SLC39A8: variants seen among roughly 807,000 people sequenced by gnomAD.
SLC39A8 encodes solute carrier family 39 member 8.
Under a neutral mutation model 40.4 loss-of-function variants are expected in SLC39A8, and 15 were observed. That is an observed-to-expected ratio of 0.37 (90% CI 0.25 to 0.57). SLC39A8 has a LOEUF of 0.57. Ranked by LOEUF, SLC39A8 falls within the 20% of genes least tolerant of loss-of-function variation. The probability of loss-of-function intolerance (pLI) is 0.75; values close to 1 mark genes in which losing one functional copy is unlikely to be tolerated. For missense variants in SLC39A8, 472 were observed against 558.8 expected, an observed-to-expected ratio of 0.84 and a Z score of 1.57; for synonymous variants, 223 against 221.6, an observed-to-expected ratio of 1.01 and a Z score of -0.06.
At chr4:102,288,607 T>C (rs928823036) in intron 6 of SLC39A8, among the ~76,000 whole-genome samples, 1 of 152,124 alleles carries the variant, frequency 6.6e-6, no homozygotes, top group Non-Finnish European at 1.5e-5. Flanking sequence ...AAGCTGTGAA[T>C]GCAAAGGAGA....
Position 102,262,450 on chromosome 4 carries a change from TA to T in SLC39A8, c.*593del. On this transcript the variant is annotated 3_prime_UTR_variant, in exon 9 of 9. Transcript: ENST00000356736. ...ATTTATTTCCTAACTCCTATTATTT[TA>T]GAATGGTTTTCAAAATAATACTGCA... The T allele has an allele frequency of 1.0e-6, 1 of 985,474 alleles. No homozygotes were observed. The highest frequency in any genetic ancestry group is 4.7e-5 in the South Asian group (1 of 21,290). The allele number at this position is 985,474 out of a possible 1,614,324, so 61.0% of individuals were successfully genotyped here.
chr4:102,305,916 G>A (rs6829701), intron 4 of SLC39A8, among the ~76,000 whole-genome samples: 46,091 of 151,844 alleles, frequency 0.3, 7,272 homozygotes, highest in Middle Eastern at 0.48. Context: ...CTCTGAAGCA[G>A]AATAGAAGAT....
chr4:102,321,407 G>T (rs78903968), intron 2 of SLC39A8, among the ~76,000 whole-genome samples: 2 of 152,176 alleles, frequency 1.3e-5, no homozygotes, highest in African/African-American at 4.8e-5. Flanking sequence ...GGAATTTCCC[G>T]TGCGTGCAAG....
chr4:102,299,255 T>C (rs1733807285), intron 6 of SLC39A8, among the ~76,000 whole-genome samples: 1 of 151,158 alleles, frequency 6.6e-6, no homozygotes, highest in Admixed American at 6.6e-5. Flanking sequence ...CCCATGCATA[T>C]ATGTACACAC....
At chr4:102,329,429 C>A (rs1008239864) in intron 2 of SLC39A8, among the ~76,000 whole-genome samples, 3 of 151,874 alleles carry the variant, frequency 2.0e-5, no homozygotes, top group Admixed American at 2.0e-4. Flanking sequence ...TCAAGACCAG[C>A]CTGACCAATA....
intron 11 of SLC39A8, among the ~76,000 whole-genome samples, chr4:102,255,693 T>C (rs1190400546): frequency 6.6e-6 from 1 of 152,086 alleles, no homozygotes; most frequent in Non-Finnish European, 1.5e-5. Flanking sequence ...AGTGAAGCTT[T>C]TACATGGACA....
At chr4:102,255,216 A>G (rs1271492272) in intron 11 of SLC39A8, among the ~76,000 whole-genome samples, 8 of 152,220 alleles carry the variant, frequency 5.3e-5, no homozygotes, top group Admixed American at 5.2e-4. Flanking sequence ...AAATATCTCA[A>G]TATTTAACTG....
chr4:102,275,841 C>T (rs570444680), intron 6 of SLC39A8, among the ~76,000 whole-genome samples: 52 of 152,138 alleles, frequency 3.4e-4, no homozygotes, highest in African/African-American at 1.2e-3. Flanking sequence ...TCACTCAAAA[C>T]CACACAACTA....
At chr4:102,283,340 C>T (rs1352664680) in intron 6 of SLC39A8, among the ~76,000 whole-genome samples, 1 of 152,150 alleles carries the variant, frequency 6.6e-6, no homozygotes, top group African/African-American at 2.4e-5. Context: ...AATAAGAGGT[C>T]AAGATACTGC....
chr4:102,322,529 A>G (rs927487967), intron 2 of SLC39A8, among the ~76,000 whole-genome samples: 3 of 152,104 alleles, frequency 2.0e-5, no homozygotes, highest in Admixed American at 1.3e-4. Context: ...AAGCTTCCAC[A>G]CTTCTTCCTG....
chr4:102,317,940 T>C (rs1734735854), intron 2 of SLC39A8, among the ~76,000 whole-genome samples: 1 of 152,158 alleles, frequency 6.6e-6, no homozygotes, highest in African/African-American at 2.4e-5. Context: ...TTTAATGAAG[T>C]AAAATACAAA....
At chr4:102,251,268 C>T (rs1253783878) in exon 12 of SLC39A8, 1 of 152,078 alleles carries the variant, frequency 6.6e-6, no homozygotes, top group Admixed American at 6.5e-5. Flanking sequence ...TTATTGTTAG[C>T]TATAGCCATC....
At position 102,263,157 on chromosome 4, in the gene SLC39A8, T is replaced by C. The variant is rs1731941686; in HGVS notation, c.1270A>G (p.Thr424Ala). The C allele has an allele frequency of 1.2e-6, 2 of 1,613,636 alleles. No homozygotes were observed. Among genetic ancestry groups the C allele is most frequent in the South Asian group, 2.2e-5 (2 of 91,054 alleles). ...AAGGTGAAATCGGTTTTTCTTCCAG[T>C]TACCTTTTCTCTCAGCATATCATTC... Reference protein sequence around the residue: ...EMNDMLREKVTGRKTDFTFFM... With the variant: ...EMNDMLREKVAGRKTDFTFFM... Residue 424 changes from threonine to alanine, a missense_variant, in exon 9 of 9, where the codon ACT becomes GCT. By Grantham distance (58) the Thr-to-Ala change is moderately conservative. This residue lies in a region of SLC39A8 where 50 missense variants were observed against 50.5 expected (regional missense o/e 0.99). Coordinates refer to ENST00000356736, the MANE Select transcript of SLC39A8 (RefSeq NM_001135146.2).
chr4:102,253,186 A>T, exon 12 of SLC39A8: 1 of 388,184 alleles, frequency 2.6e-6, no homozygotes, highest in Non-Finnish European at 4.6e-6. Context: ...GCGGCGGGGA[A>T]CACAATTAGA....
At chr4:102,342,777 T>A (rs1315223156) in intron 2 of SLC39A8, among the ~76,000 whole-genome samples, 2 of 152,228 alleles carry the variant, frequency 1.3e-5, no homozygotes, top group East Asian at 3.8e-4. Context: ...AATTTAGGCA[T>A]GTTTTCCAAT....
chr4:102,329,391 G>C (rs143242565), intron 2 of SLC39A8, among the ~76,000 whole-genome samples: 1 of 152,092 alleles, frequency 6.6e-6, no homozygotes, highest in African/African-American at 2.4e-5. Context: ...GGGAGGCCAC[G>C]GCAGGCGGAT....
In SLC39A8 at chr4:102,262,827, T is replaced by A; in HGVS notation, c.*217A>T. ...TAGGTATTTCCCAAAGGCTCCTATATACCAGGCATCTCAGACTGACACTGA... is the reference window on the plus strand; with the variant it reads ...TAGGTATTTCCCAAAGGCTCCTATAAACCAGGCATCTCAGACTGACACTGA... On this transcript the variant is annotated 3_prime_UTR_variant, in exon 9 of 9. Transcript: ENST00000356736. The A allele has an allele frequency of 7.5e-7, 1 of 1,329,634 alleles. No homozygotes were observed. The highest frequency in any genetic ancestry group is 2.9e-5 in the East Asian group (1 of 34,308). The allele number at this position is 1,329,634 out of a possible 1,614,324, so 82.4% of individuals were successfully genotyped here. A position where few individuals can be genotyped will look rare whatever the true frequency, so the allele number is the denominator to read the frequency against.
intron 2 of SLC39A8, among the ~76,000 whole-genome samples, chr4:102,319,707 G>A (rs531990425): frequency 6.6e-6 from 1 of 152,132 alleles, no homozygotes; most frequent in South Asian, 2.1e-4. Flanking sequence ...GTTCCATACT[G>A]AGGTCTCTTT....
chr4:102,283,491 T>C (rs996261858), intron 6 of SLC39A8, among the ~76,000 whole-genome samples: 10 of 152,130 alleles, frequency 6.6e-5, no homozygotes, highest in Admixed American at 4.6e-4. Flanking sequence ...GTACCTCTGG[T>C]TTTGAGTAGA....
Sources: gnomAD v4.1 joint callset for allele counts (sites outside exome capture counted in the v4.1 genomes callset) on GRCh38, gnomAD v4.1.1 for gene constraint, gnomAD v4.1.1 regional missense constraint, MANE v1.5 for transcripts, NCBI Gene and HGNC (gene_info 2026-07-23, HGNC 2026-07-21) for gene names.